SDK1: variants seen among roughly 807,000 people sequenced by gnomAD.
The protein encoded by SDK1 is sidekick cell adhesion molecule 1, also known as protein sidekick-1.
Under a neutral mutation model 245.5 loss-of-function variants are expected in SDK1, and 157 were observed. The ratio of observed to expected loss-of-function variants is 0.64; its 90% confidence interval spans 0.56 to 0.73. The LOEUF (loss-of-function observed/expected upper bound fraction) is 0.73, where lower values mean the gene tolerates loss of function less well. Ranked by LOEUF, SDK1 falls within the 30% of genes least tolerant of loss-of-function variation. The probability of loss-of-function intolerance (pLI) is 0.00; values close to 1 mark genes in which losing one functional copy is unlikely to be tolerated. For synonymous variants in SDK1, 1,647 were observed against 1,278.5 expected (o/e 1.29, Z -6.15); for missense variants, 3,583 against 3,002.3 (o/e 1.19, Z -4.52).
chr7:4,217,479 G>T (rs878941342), intron 38 of SDK1, among the ~76,000 whole-genome samples: 1 of 68,826 alleles, frequency 1.5e-5, no homozygotes, highest in African/African-American at 6.7e-5. Flanking sequence ...CGGAGCACCA[G>T]GCCACCCGGA....
At chr7:3,485,881 C>T (rs915777279) in intron 1 of SDK1, among the ~76,000 whole-genome samples, 2 of 151,318 alleles carry the variant, frequency 1.3e-5, no homozygotes, top group South Asian at 2.1e-4. Flanking sequence ...TTCTTTGTCC[C>T]GTTAGGACAG....
intron 1 of SDK1, among the ~76,000 whole-genome samples, chr7:3,567,032 C>G (rs892921628): frequency 1.3e-5 from 2 of 152,120 alleles, no homozygotes; most frequent in East Asian, 3.8e-4. Context: ...AATACTGATC[C>G]CACATTTATT....
chr7:3,713,464 C>A (rs1231421416), intron 4 of SDK1, among the ~76,000 whole-genome samples: 1 of 152,146 alleles, frequency 6.6e-6, no homozygotes, highest in Non-Finnish European at 1.5e-5. Context: ...TTGCTTCCCA[C>A]GGGAATGGCT....
At chr7:3,484,835 A>AT (rs796079864) in intron 1 of SDK1, among the ~76,000 whole-genome samples, 4 of 152,200 alleles carry the variant, frequency 2.6e-5, no homozygotes, top group Admixed American at 1.3e-4. Context: ...ACAGCATTTC[A>AT]TTTTTTCAGT....
chr7:3,409,834 A>G (rs899133847), intron 1 of SDK1, among the ~76,000 whole-genome samples: 2 of 152,102 alleles, frequency 1.3e-5, no homozygotes, highest in African/African-American at 4.8e-5. Flanking sequence ...TGTGTTGGTA[A>G]GACACCTTGT....
intron 1 of SDK1, among the ~76,000 whole-genome samples, chr7:3,375,503 C>A (rs1017230879): frequency 3.3e-5 from 5 of 152,154 alleles, no homozygotes; most frequent in African/African-American, 1.2e-4. Context: ...TAGGGCTGAC[C>A]TGTGTAACCA....
At chr7:4,146,570 T>C (rs1358110643) in intron 29 of SDK1, among the ~76,000 whole-genome samples, 1 of 152,230 alleles carries the variant, frequency 6.6e-6, no homozygotes, top group African/African-American at 2.4e-5. Flanking sequence ...GAAAGCAACA[T>C]TGCTCGCAGA....
chr7:4,098,352 A>T (rs1442505078), intron 22 of SDK1, among the ~76,000 whole-genome samples: 1 of 151,840 alleles, frequency 6.6e-6, no homozygotes, highest in Non-Finnish European at 1.5e-5. Flanking sequence ...ATTTTATGAG[A>T]CTCATATTTC....
At chr7:3,795,414 T>C (rs1388517651) in intron 4 of SDK1, among the ~76,000 whole-genome samples, 2 of 152,092 alleles carry the variant, frequency 1.3e-5, no homozygotes, top group Non-Finnish European at 2.9e-5. Context: ...AGATCATTTA[T>C]ATTACAGAGA....
rs963599995 is a variant in SDK1, at chr7:4,119,379, C to T, written c.3823+5105C>T. On this transcript the variant is annotated intron_variant, in intron 25 of 44. Transcript: ENST00000404826. ...CTGAGGCAGGAGAACTGCTTCAGCC[C>T]AGGAGGTCGAGCCTGCCATGAACTA... Among the ~76,000 whole-genome samples the T allele has an allele frequency of 8.8e-5, 13 of 148,236 alleles. 2 individuals are homozygous for T. Among genetic ancestry groups the T allele is most frequent in the Admixed American group, 2.0e-4 (3 of 14,948 alleles).
chr7:3,888,731 A>G (rs1781391929), intron 5 of SDK1, among the ~76,000 whole-genome samples: 1 of 152,246 alleles, frequency 6.6e-6, no homozygotes, highest in Non-Finnish European at 1.5e-5. Context: ...GTTCAGAGGT[A>G]CAAAAAATCC....
chr7:3,564,558 T>C (rs1392827695), intron 1 of SDK1, among the ~76,000 whole-genome samples: 1 of 152,044 alleles, frequency 6.6e-6, no homozygotes, highest in African/African-American at 2.4e-5. Context: ...AAAGAAATTT[T>C]CAAATGATTT....
chr7:4,124,438 G>C (rs1452175237), intron 25 of SDK1, among the ~76,000 whole-genome samples: 1 of 152,086 alleles, frequency 6.6e-6, no homozygotes, highest in Non-Finnish European at 1.5e-5. Context: ...GTGTGTGTCT[G>C]TCTCCTCCCA....
chr7:3,825,195 G>A (rs763607929), intron 5 of SDK1, among the ~76,000 whole-genome samples: 25 of 152,012 alleles, frequency 1.6e-4, no homozygotes, highest in African/African-American at 2.7e-4. Context: ...GGTCAGACCC[G>A]GGAAAGCTTT....
chr7:3,949,444 G>A (rs1313068228), intron 5 of SDK1, among the ~76,000 whole-genome samples: 9 of 152,258 alleles, frequency 5.9e-5, no homozygotes, highest in Non-Finnish European at 1.5e-5. Flanking sequence ...CTCTCTCCGC[G>A]GCCCTCACCC....
At chr7:4,150,306 C>T (rs1258529829) in intron 30 of SDK1, among the ~76,000 whole-genome samples, 1 of 152,190 alleles carries the variant, frequency 6.6e-6, no homozygotes, top group Middle Eastern at 3.2e-3. Context: ...TCACTTGTTA[C>T]TGAGCTCACA....
At chr7:4,264,653 T>G (rs1025862158) in intron 44 of SDK1, among the ~76,000 whole-genome samples, 1 of 150,258 alleles carries the variant, frequency 6.7e-6, no homozygotes, top group Non-Finnish European at 1.5e-5. Context: ...GAAGGCCGTG[T>G]AGACCTCTCC....
At chr7:3,415,155 T>G (rs1779325595) in intron 1 of SDK1, among the ~76,000 whole-genome samples, 1 of 152,222 alleles carries the variant, frequency 6.6e-6, no homozygotes, top group Admixed American at 6.5e-5. Flanking sequence ...TTTATATCAT[T>G]TATTTATCAC....
intron 4 of SDK1, among the ~76,000 whole-genome samples, chr7:3,781,739 C>T (rs998822999): frequency 1.9e-4 from 29 of 151,520 alleles, no homozygotes; most frequent in African/African-American, 7.0e-4. Flanking sequence ...TAAAAAAAAA[C>T]AAATCTTAGA....
Sources: gnomAD v4.1 joint callset for allele counts (sites outside exome capture counted in the v4.1 genomes callset) on GRCh38, gnomAD v4.1.1 for gene constraint, MANE v1.5 for transcripts, NCBI Gene and HGNC (gene_info 2026-07-23, HGNC 2026-07-21) for gene names.